Variants in PRKAR2B observed in about 807,000 individuals in gnomAD.
PRKAR2B encodes cAMP-dependent protein kinase type II-beta regulatory subunit.
In PRKAR2B, 14 loss-of-function variants were observed where a neutral mutation model predicts 49.9. That is an observed-to-expected ratio of 0.28 (90% CI 0.19 to 0.44). The LOEUF (loss-of-function observed/expected upper bound fraction) is 0.44. Ranked by LOEUF, PRKAR2B falls within the 20% of genes least tolerant of loss-of-function variation. The probability of loss-of-function intolerance (pLI) is 1.00; values close to 1 mark genes in which losing one functional copy is unlikely to be tolerated. For missense variants in PRKAR2B, 393 were observed against 537.9 expected (o/e 0.73, Z 2.67); for synonymous variants, 196 against 197.7 (o/e 0.99, Z 0.07).
At chr7:107,098,462 C>T (rs1794892456) in intron 2 of PRKAR2B, among the ~76,000 whole-genome samples, 2 of 152,142 alleles carry the variant, frequency 1.3e-5, no homozygotes, top group Non-Finnish European at 2.9e-5. Context: ...GAACATCCTC[C>T]TTTAGCTTGG....
intron 2 of PRKAR2B, among the ~76,000 whole-genome samples, chr7:107,096,712 T>A (rs1794845355): frequency 2.0e-5 from 3 of 152,170 alleles, no homozygotes; most frequent in Non-Finnish European, 4.4e-5. Context: ...TATGTTTCTT[T>A]GTTCTCATTG....
At chr7:107,109,091 G>A (rs1795127455) in intron 2 of PRKAR2B, among the ~76,000 whole-genome samples, 2 of 152,128 alleles carry the variant, frequency 1.3e-5, no homozygotes, top group South Asian at 4.2e-4. Flanking sequence ...TCTAGAAAAG[G>A]GGTGAGGAGT....
Position 107,146,351 on chromosome 7 carries a change from T to C in PRKAR2B, c.631T>C (p.Cys211Arg), listed in dbSNP as rs756975609. 9.3e-6 allele frequency: 15 copies of C among 1,614,050 alleles called. No homozygotes were observed. Among genetic ancestry groups the C allele is most frequent in the African/African-American group, 1.3e-5 (1 of 74,922 alleles). The change falls in exon 6 of 11, where the codon TGT becomes CGT. Residue 211 changes from cysteine to arginine, a missense_variant. Physicochemically the swap from Cys to Arg is radical, Grantham distance 180 (BLOSUM62 -3). Around this residue, in one of 2 missense-constraint regions of PRKAR2B, gnomAD observed 233 missense variants for 390.4 expected, o/e 0.60. Coordinates refer to ENST00000265717, the MANE Select transcript of PRKAR2B (RefSeq NM_002736.3). ...TGTGAAATGTGATGGTGTTGGAAGA[T>C]GTGTTGGTAACTATGATAATCGTGG... ...IYVKCDGVGR[C>R]VGNYDNRGSF...
chr7:107,078,737 T>C (rs1343914685), intron 2 of PRKAR2B, among the ~76,000 whole-genome samples: 1 of 152,226 alleles, frequency 6.6e-6, no homozygotes, highest in African/African-American at 2.4e-5. Context: ...GTTGAGTCTC[T>C]GGTTCTTTTT....
intron 4 of PRKAR2B, among the ~76,000 whole-genome samples, chr7:107,129,562 A>G (rs1323677449): frequency 6.6e-6 from 1 of 152,202 alleles, no homozygotes; most frequent in African/African-American, 2.4e-5. Context: ...TGTTACAGGA[A>G]AGAGGTCCTC....
rs1315558778 is a variant in PRKAR2B at position 107,122,011 on chromosome 7, AATT to A, written c.396+8_396+10del. On this transcript the variant is annotated splice_region_variant and intron_variant, in intron 3 of 10. Coordinates refer to ENST00000265717, the MANE Select transcript of PRKAR2B (RefSeq NM_002736.3). Reference sequence around the variant, plus strand: ...AGATGATGCAGAGTCCAGGGTATGTAATTTACTGAATGAATGAATTTTAAATTG... The same window carrying A: ...AGATGATGCAGAGTCCAGGGTATGTATACTGAATGAATGAATTTTAAATTG... 4.5e-6 allele frequency: 7 copies of A among 1,566,006 alleles called. No individual in the cohort carries two copies. The highest frequency in any genetic ancestry group is 6.1e-6 in the Non-Finnish European group (7 of 1,145,734).
chr7:107,095,855 A>C (rs891114823), intron 2 of PRKAR2B, among the ~76,000 whole-genome samples: 1 of 152,218 alleles, frequency 6.6e-6, no homozygotes, highest in Non-Finnish European at 1.5e-5. Flanking sequence ...GATGAAGCCC[A>C]CTTGATCATG....
chr7:107,061,060 A>G (rs1056514043), intron 1 of PRKAR2B, among the ~76,000 whole-genome samples: 5 of 152,136 alleles, frequency 3.3e-5, no homozygotes, highest in Non-Finnish European at 5.9e-5. Flanking sequence ...TTCCACATAC[A>G]TGTGAATGTA....
At chr7:107,059,782 G>C (rs562119890) in intron 1 of PRKAR2B, among the ~76,000 whole-genome samples, 1 of 151,802 alleles carries the variant, frequency 6.6e-6, no homozygotes, top group African/African-American at 2.4e-5. Flanking sequence ...GATACCTCTG[G>C]GGGACCATTT....
chr7:107,087,858 T>C (rs1161837296), intron 2 of PRKAR2B, among the ~76,000 whole-genome samples: 1 of 152,192 alleles, frequency 6.6e-6, no homozygotes, highest in Non-Finnish European at 1.5e-5. Flanking sequence ...CTAGTACATC[T>C]CTGCCCTAAC....
intron 2 of PRKAR2B, 143 bp from the exon 3 acceptor site, chr7:107,121,809 G>A (rs1584439491): frequency 2.4e-6 from 1 of 418,034 alleles, no homozygotes. Flanking sequence ...ATTTTGGGGG[G>A]TAGACTGCTT....
At position 107,125,856 on chromosome 7, in the gene PRKAR2B, A is replaced by G. The variant is rs192508996; in HGVS notation, c.397-2356A>G. ...GTAATCTTAGCAGTTTGGGAGGCCA[A>G]GGCGGGTGGATCATGAGGTCAGGAG... On this transcript the variant is annotated intron_variant, in intron 3 of 10. Transcript: ENST00000265717. Among the ~76,000 whole-genome samples, 190 of 152,154 alleles carry G rather than the reference A, an allele frequency of 1.2e-3. 1 individual carries two copies. The highest frequency in any genetic ancestry group is 4.4e-3 in the African/African-American group (182 of 41,502).
At chr7:107,141,131 A>G (rs1199912204) in intron 5 of PRKAR2B, among the ~76,000 whole-genome samples, 178 bp downstream of exon 5, 2 of 152,242 alleles carry the variant, frequency 1.3e-5, no homozygotes, top group East Asian at 3.8e-4. Context: ...ACAGTGGATC[A>G]TGAAAAGAGA....
At chr7:107,146,075 C>T (rs1795888361) in intron 5 of PRKAR2B, among the ~76,000 whole-genome samples, 1 of 151,912 alleles carries the variant, frequency 6.6e-6, no homozygotes, top group South Asian at 2.1e-4. Context: ...TGGTTGTAGT[C>T]TTTAGTTATA....
chr7:107,057,898 G>T (rs1793946908), intron 1 of PRKAR2B, among the ~76,000 whole-genome samples: 1 of 152,136 alleles, frequency 6.6e-6, no homozygotes, highest in Non-Finnish European at 1.5e-5. Flanking sequence ...AGCCAGTATA[G>T]TAATAGTACT....
chr7:107,080,995 C>T (rs958051993), intron 2 of PRKAR2B, among the ~76,000 whole-genome samples: 8 of 152,186 alleles, frequency 5.3e-5, no homozygotes, highest in African/African-American at 1.9e-4. Context: ...AAGCTTTTAG[C>T]ATAGTGTCTG....
chr7:107,099,640 T>A (rs1794918815), intron 2 of PRKAR2B, among the ~76,000 whole-genome samples: 1 of 55,698 alleles, frequency 1.8e-5, no homozygotes, highest in Admixed American at 2.8e-4. Flanking sequence ...ATGAGAAATC[T>A]TTTTTTTTTT....
At chr7:107,148,531 A>G (rs1795932035) in intron 6 of PRKAR2B, among the ~76,000 whole-genome samples, 1 of 152,236 alleles carries the variant, frequency 6.6e-6, no homozygotes, top group African/African-American at 2.4e-5. Context: ...GCAGTTTGTG[A>G]TAATCCTCCT....
At chr7:107,055,681 T>G (rs1406226586) in intron 1 of PRKAR2B, among the ~76,000 whole-genome samples, 1 of 152,240 alleles carries the variant, frequency 6.6e-6, no homozygotes, top group Non-Finnish European at 1.5e-5. Context: ...TCTTGTAAAT[T>G]TGTTTGAGTT....
Sources: allele counts gnomAD v4.1 joint callset (sites outside exome capture counted in the v4.1 genomes callset), GRCh38; gene constraint gnomAD v4.1.1; regional missense constraint gnomAD v4.1.1; transcripts MANE v1.5; gene names NCBI Gene and HGNC (gene_info 2026-07-23, HGNC 2026-07-21).